Variants in CASP8 observed in about 807,000 individuals in gnomAD.
CASP8 encodes caspase-8.
In CASP8, 24 loss-of-function variants were observed where a neutral mutation model predicts 46.3. The ratio of observed to expected loss-of-function variants is 0.52; its 90% confidence interval spans 0.38 to 0.73. The LOEUF (loss-of-function observed/expected upper bound fraction) is 0.73, where lower values mean the gene tolerates loss of function less well. Ranked by LOEUF, CASP8 falls within the 30% of genes least tolerant of loss-of-function variation. The pLI is 0.00. For missense variants in CASP8, 460 were observed against 559.0 expected (o/e 0.82, Z 1.79); for synonymous variants, 188 against 200.4 (o/e 0.94, Z 0.52).
intron 7 of CASP8, among the ~76,000 whole-genome samples, chr2:201,283,018 G>A (rs1291151756): frequency 3.0e-5 from 2 of 67,390 alleles, no homozygotes; most frequent in East Asian, 5.5e-4. Flanking sequence ...CCTCCCTCCC[G>A]GACGGGGCGG....
chr2:201,279,381 GAGTCAGATCTCTA>G (rs778006819), intron 7 of CASP8, among the ~76,000 whole-genome samples: 1 of 152,188 alleles, frequency 6.6e-6, no homozygotes, highest in Non-Finnish European at 1.5e-5. Context: ...TGGTGGCATG[GAGTCAGATCTCTA>G]AACCAACTTG....
chr2:201,251,947 A>G (rs1946807115), intron 2 of CASP8, among the ~76,000 whole-genome samples: 1 of 151,876 alleles, frequency 6.6e-6, no homozygotes. Flanking sequence ...ACTTTCTTCC[A>G]AAGTGTCCGT....
chr2:201,258,295 T>A (rs1286373288), upstream of CASP8: 1 of 1,614,122 alleles, frequency 6.2e-7, no homozygotes, highest in African/African-American at 1.3e-5. Context: ...CCTGGGAGCC[T>A]TTCCCACCCC....
intron 1 of CASP8, chr2:201,262,339 A>T (rs1947478989): frequency 6.6e-6 from 1 of 151,814 alleles, no homozygotes; most frequent in Non-Finnish European, 1.5e-5. Flanking sequence ...TATAGATTAC[A>T]AACATTTATA....
intron 8 of CASP8, 118 bp downstream of exon 8, chr2:201,285,435 AT>A: frequency 3.9e-6 from 5 of 1,268,546 alleles, no homozygotes; most frequent in Non-Finnish European, 4.5e-6. Flanking sequence ...TTTAGATCAC[AT>A]TAACAGGTCA....
At chr2:201,262,820 G>A (rs538962182) in intron 1 of CASP8, among the ~76,000 whole-genome samples, 36 of 152,280 alleles carry the variant, frequency 2.4e-4, no homozygotes, top group African/African-American at 8.4e-4. Flanking sequence ...TGGATGGCCC[G>A]TTGTTAATGG....
Position 201,286,715 on chromosome 2 carries a change from A to T in CASP8, c.*121A>T, listed in dbSNP as rs1949580332. The T allele has an allele frequency of 5.9e-6, 5 of 845,360 alleles. No homozygotes were observed. The highest frequency in any genetic ancestry group is 9.5e-6 in the Non-Finnish European group (5 of 527,038). The allele number at this position is 845,360 out of a possible 1,614,324, so 52.4% of individuals were successfully genotyped here. On this transcript the variant is annotated 3_prime_UTR_variant, in exon 9 of 9. Transcript: ENST00000673742. ...ACCGCAAGCTCCGCCTCCCGGGTTC[A>T]GGCCATTCTCCTGCCTCAGCCTCCC...
At chr2:201,285,372 C>T (rs1351370517) in intron 8 of CASP8, 55 bp downstream of exon 8, 1 of 1,581,198 alleles carries the variant, frequency 6.3e-7, no homozygotes, top group Admixed American at 1.7e-5. Context: ...CCCCCCTACT[C>T]CATCACACTA....
chr2:201,257,967 A>G, upstream of CASP8: 1 of 466,950 alleles, frequency 2.1e-6, no homozygotes, highest in Non-Finnish European at 3.9e-6. Context: ...TGTCTGCCAC[A>G]TCCCTCTTCT....
chr2:201,272,554 A>G lies in CASP8; in HGVS notation c.412-84A>G. 1 of 1,503,900 alleles carries G rather than the reference A, an allele frequency of 6.6e-7. No individual in the cohort carries two copies. Among genetic ancestry groups the G allele is most frequent in the Non-Finnish European group, 9.2e-7 (1 of 1,089,756 alleles). The allele number at this position is 1,503,900 out of a possible 1,614,324, so 93.2% of individuals were successfully genotyped here. A position where few individuals can be genotyped will look rare whatever the true frequency, so the allele number is the denominator to read the frequency against. ...AGCAAGGGCAGGTCCTTGGTTGGAG[A>G]AATTGGAAATTAAAAAAAAAAATCT... On this transcript the variant is annotated intron_variant, in intron 3 of 8. Transcript: ENST00000673742. The surrounding 1 kb of genome is among the most constrained non-coding windows in gnomAD (Gnocchi z 4.4).
intron 2 of CASP8, among the ~76,000 whole-genome samples, chr2:201,247,854 C>A (rs1402650501): frequency 6.6e-6 from 1 of 152,150 alleles, no homozygotes; most frequent in Non-Finnish European, 1.5e-5. Flanking sequence ...CTGTTTTAGC[C>A]AGGATAGTCT....
At chr2:201,256,722 A>G (rs1211467048), upstream of CASP8, among the ~76,000 whole-genome samples, 1 of 152,200 alleles carries the variant, frequency 6.6e-6, no homozygotes, top group Non-Finnish European at 1.5e-5. Context: ...CAATACCCTG[A>G]ATTAGAGAAT....
chr2:201,262,768 TA>T (rs549452749), intron 1 of CASP8, among the ~76,000 whole-genome samples: 80 of 152,322 alleles, frequency 5.3e-4, no homozygotes, highest in African/African-American at 1.5e-3. Context: ...CTAGGTCCCA[TA>T]AAACAAGAAC....
Position 201,286,470 on chromosome 2 carries a change from T to C in CASP8, c.1316T>C (p.Ile439Thr). 1 of 1,612,704 alleles carries C rather than the reference T, an allele frequency of 6.2e-7. No individual in the cohort carries two copies. Among genetic ancestry groups the C allele is most frequent in the Non-Finnish European group, 8.5e-7 (1 of 1,178,738 alleles). Residue 439 changes from isoleucine to threonine, a missense_variant, in exon 9 of 9, where the codon ATT becomes ACT. Coordinates refer to ENST00000673742, the MANE Select transcript of CASP8 (RefSeq NM_001372051.1). ...LRERCPRGDD[I>T]LTILTEVNYE... Reference sequence around the variant, plus strand: ...GTGATGTATTTCAGAGGCGATGATATTCTCACCATCCTGACTGAAGTGAAC... The same window carrying C: ...GTGATGTATTTCAGAGGCGATGATACTCTCACCATCCTGACTGAAGTGAAC...
chr2:201,253,704 G>T (rs925681719), intron 2 of CASP8, among the ~76,000 whole-genome samples: 1 of 152,048 alleles, frequency 6.6e-6, no homozygotes, highest in Non-Finnish European at 1.5e-5. Flanking sequence ...TATTCTTAGC[G>T]TCTGAGGTGC....
intron 7 of CASP8, 127 bp from the exon 8 acceptor site, chr2:201,284,689 G>C (rs1949449168): frequency 7.8e-6 from 1 of 128,720 alleles, no homozygotes; most frequent in African/African-American, 4.9e-5. Context: ...AGAGGGAGAG[G>C]GAGACGGGGA....
At chr2:201,256,628 A>AT (rs1273253538), upstream of CASP8, among the ~76,000 whole-genome samples, 3 of 152,114 alleles carry the variant, frequency 2.0e-5, no homozygotes, top group Non-Finnish European at 4.4e-5. Context: ...TCATAGAAAA[A>AT]TCTCTGTTTT....
intron 7 of CASP8, among the ~76,000 whole-genome samples, chr2:201,277,287 C>T (rs181172504): frequency 6.6e-5 from 10 of 152,182 alleles, no homozygotes; most frequent in Middle Eastern, 3.4e-3. Flanking sequence ...ATGTATTAGG[C>T]GATGAAATTG....
At chr2:201,282,081 C>T (rs1166154745) in intron 7 of CASP8, among the ~76,000 whole-genome samples, 9 of 68,868 alleles carry the variant, frequency 1.3e-4, no homozygotes, top group East Asian at 3.8e-4. Context: ...GAGGACCCTG[C>T]GGCCTTCCGC....
Sources: allele counts gnomAD v4.1 joint callset (sites outside exome capture counted in the v4.1 genomes callset), GRCh38; gene constraint gnomAD v4.1.1; non-coding constraint Gnocchi (gnomAD v3.1); transcripts MANE v1.5; gene names NCBI Gene and HGNC (gene_info 2026-07-23, HGNC 2026-07-21).